CEP128: variants seen among roughly 807,000 people sequenced by gnomAD.
CEP128 encodes the protein centrosomal protein 128kDa.
In CEP128, 132 loss-of-function variants were observed where a neutral mutation model predicts 156.7. The observed-to-expected ratio is 0.84, with a 90% CI of 0.73 to 0.97. The LOEUF (loss-of-function observed/expected upper bound fraction) is 0.97. CEP128 is among the 50% of genes least tolerant of loss of function. CEP128 has a pLI of 0.00. For synonymous variants in CEP128, 469 were observed against 448.9 expected, an observed-to-expected ratio of 1.04 and a Z score of -0.57; for missense variants, 1,252 against 1,281.9, an observed-to-expected ratio of 0.98 and a Z score of 0.36.
At chr14:80,729,374 T>C (rs1030030303) in intron 19 of CEP128, among the ~76,000 whole-genome samples, 3 of 113,280 alleles carry the variant, frequency 2.6e-5, no homozygotes, top group Non-Finnish European at 5.5e-5. Context: ...TAGTATTCTA[T>C]GGTATACATA....
At chr14:80,823,380 T>C (rs994853437) in intron 13 of CEP128, among the ~76,000 whole-genome samples, 4 of 152,204 alleles carry the variant, frequency 2.6e-5, no homozygotes, top group Admixed American at 6.5e-5. Context: ...TTAAACAACA[T>C]GCTAAATGTG....
At chr14:80,794,929 T>C (rs371243860) in intron 13 of CEP128, among the ~76,000 whole-genome samples, 1 of 152,192 alleles carries the variant, frequency 6.6e-6, no homozygotes, top group African/African-American at 2.4e-5. Flanking sequence ...CTGAAATGCA[T>C]TGAGTACTCG....
rs570585676 is a variant in CEP128 at position 80,506,780 on chromosome 14, G to A, written c.3073-1760C>T. ...TTTTCAACAGGTCCATATATTTTGA[G>A]CCAAAGGCACGAACATAATCCTCAG... On this transcript the variant is annotated intron_variant, in intron 23 of 24. Coordinates refer to ENST00000555265, the MANE Select transcript of CEP128 (RefSeq NM_152446.5). Among the ~76,000 whole-genome samples the A allele has an allele frequency of 2.0e-5, 3 of 152,254 alleles. No individual in the cohort carries two copies. The East Asian group carries it at 5.8e-4, about 29-fold the overall frequency.
chr14:80,482,060 G>A (rs1887064670), intron 14 of CEP128, among the ~76,000 whole-genome samples: 1 of 152,142 alleles, frequency 6.6e-6, no homozygotes, highest in Non-Finnish European at 1.5e-5. Flanking sequence ...GCTTTTTAAA[G>A]AAAAAGTGCT....
intron 13 of CEP128, among the ~76,000 whole-genome samples, chr14:80,796,737 T>A (rs1883507383): frequency 6.6e-6 from 1 of 152,158 alleles, no homozygotes; most frequent in African/African-American, 2.4e-5. Flanking sequence ...CAGATATTAG[T>A]AGGTATTAGT....
chr14:80,901,099 G>T (rs919503878), intron 6 of CEP128, among the ~76,000 whole-genome samples: 1 of 151,874 alleles, frequency 6.6e-6, no homozygotes, highest in East Asian at 1.9e-4. Context: ...CCAGCTACTC[G>T]GGAGGCTGAG....
rs150232216 is a variant in CEP128, at chr14:80,682,492, G to T, written c.2806+60583C>A. 5.5e-4 allele frequency among the ~76,000 whole-genome samples: 84 copies of T among 152,232 alleles called. 1 individual carries two copies. Among genetic ancestry groups the T allele is most frequent in the Middle Eastern group, 3.4e-3 (1 of 294 alleles). On this transcript the variant is annotated intron_variant, in intron 19 of 24. Coordinates refer to ENST00000555265, the MANE Select transcript of CEP128 (RefSeq NM_152446.5). Reference sequence around the variant, plus strand: ...AATTATTGGCATTCCTGAGAGTGAAGGAGAAAAAGTAAATAACCTGAGAAA... The same window carrying T: ...AATTATTGGCATTCCTGAGAGTGAATGAGAAAAAGTAAATAACCTGAGAAA...
chr14:80,810,873 C>T lies in CEP128; in HGVS notation c.1210-17763G>A, dbSNP rs2063156067. Among the ~76,000 whole-genome samples, 3 of 152,200 alleles carry T rather than the reference C, an allele frequency of 2.0e-5. No homozygotes were observed. The South Asian group carries it at 6.2e-4, about 32-fold the overall frequency. On this transcript the variant is annotated intron_variant, in intron 13 of 24. Transcript: ENST00000555265. ...ATGGGTGCCATGGTGGTTTGCTGCA[C>T]CTATCAACCCATCACCTAGGTATTA...
intron 19 of CEP128, among the ~76,000 whole-genome samples, chr14:80,653,139 G>A (rs1380744926): frequency 6.6e-6 from 1 of 152,106 alleles, no homozygotes; most frequent in East Asian, 1.9e-4. Flanking sequence ...GTTGAACAAT[G>A]AGAACACATG....
intron 19 of CEP128, among the ~76,000 whole-genome samples, chr14:80,590,522 AGAT>A (rs1184794835): frequency 5.3e-5 from 8 of 152,252 alleles, no homozygotes; most frequent in Admixed American, 5.2e-4. Context: ...TTAGGAATAA[AGAT>A]GAAGGCAAGA....
At chr14:80,955,228 A>G (rs929881611) in intron 2 of CEP128, 2 of 285,602 alleles carry the variant, frequency 7.0e-6, no homozygotes, top group Non-Finnish European at 1.4e-5. Context: ...AGTGGCTCCC[A>G]GGCAGACAGG....
At chr14:80,692,685 C>T (rs1470256742) in intron 19 of CEP128, among the ~76,000 whole-genome samples, 1 of 151,242 alleles carries the variant, frequency 6.6e-6, no homozygotes, top group Non-Finnish European at 1.5e-5. Flanking sequence ...TGTTGGGGGC[C>T]TTAGGTTTCT....
At chr14:80,510,605 T>C (rs1432776337) in intron 23 of CEP128, among the ~76,000 whole-genome samples, 1 of 152,094 alleles carries the variant, frequency 6.6e-6, no homozygotes, top group Non-Finnish European at 1.5e-5. Context: ...TTCTCTTCTC[T>C]GATTGCTCTA....
chr14:80,717,995 A>G (rs1016837615), intron 19 of CEP128, among the ~76,000 whole-genome samples: 7 of 151,524 alleles, frequency 4.6e-5, no homozygotes, highest in African/African-American at 4.8e-5. Flanking sequence ...GTGTGTGTGT[A>G]TGTGTATGTG....
intron 19 of CEP128, among the ~76,000 whole-genome samples, chr14:80,654,364 T>C (rs1486235807): frequency 6.6e-6 from 1 of 152,142 alleles, no homozygotes; most frequent in African/African-American, 2.4e-5. Context: ...GTTTTTATTT[T>C]GTCGTTTAGC....
chr14:80,519,141 G>A (rs1888622915), intron 23 of CEP128, among the ~76,000 whole-genome samples: 1 of 152,132 alleles, frequency 6.6e-6, no homozygotes, highest in African/African-American at 2.4e-5. Context: ...TACACACTTA[G>A]CACAAGGACC....
intron 21 of CEP128, among the ~76,000 whole-genome samples, chr14:80,551,869 C>A (rs1890223048): frequency 6.6e-6 from 1 of 152,076 alleles, no homozygotes; most frequent in Admixed American, 6.6e-5. Context: ...ATATGTGCAA[C>A]TAAGAAGGAC....
intron 7 of CEP128, among the ~76,000 whole-genome samples, chr14:80,898,076 G>A (rs139108782): frequency 4.6e-5 from 7 of 152,200 alleles, no homozygotes; most frequent in South Asian, 2.1e-4. Flanking sequence ...CACTGTGCCC[G>A]GTCCAAATCA....
chr14:80,874,719 G>A (rs954548464), intron 8 of CEP128, among the ~76,000 whole-genome samples: 10 of 152,028 alleles, frequency 6.6e-5, no homozygotes, highest in African/African-American at 2.4e-4. Flanking sequence ...CCGGGTTCAC[G>A]CCATTCTCCC....
Sources: gnomAD v4.1 joint callset for allele counts (sites outside exome capture counted in the v4.1 genomes callset) on GRCh38, gnomAD v4.1.1 for gene constraint, MANE v1.5 for transcripts, NCBI Gene and HGNC (gene_info 2026-07-23, HGNC 2026-07-21) for gene names.